Variants in SNX29 observed in about 807,000 individuals in gnomAD.
The protein encoded by SNX29 is sorting nexin 29.
SNX29 carries 78 observed loss-of-function variants against 102.1 expected under a neutral mutation model. That is an observed-to-expected ratio of 0.76 (90% CI 0.64 to 0.92). SNX29 has a LOEUF of 0.92. Ranked by LOEUF, SNX29 falls within the 40% of genes least tolerant of loss-of-function variation. The pLI is 0.00. For synonymous variants in SNX29, 580 were observed against 414.5 expected (o/e 1.40, Z -4.85); for missense variants, 1,280 against 1,061.7 (o/e 1.21, Z -2.86).
chr16:11,993,448 T>C lies in SNX29; in HGVS notation c.8-5849T>C, dbSNP rs144557228. 3.3e-4 allele frequency among the ~76,000 whole-genome samples: 51 copies of C among 152,284 alleles called. 1 individual carries two copies. The East Asian group carries it at 8.3e-3, about 25-fold the overall frequency. On this transcript the variant is annotated intron_variant, in intron 1 of 20. Coordinates refer to ENST00000566228, the MANE Select transcript of SNX29 (RefSeq NM_032167.5). ...GAAGGTAGCTAGTTGAAAGGACTTCTGGGAGCCAGAGGTCTTGATACCTTG... is the reference window on the plus strand; with the variant it reads ...GAAGGTAGCTAGTTGAAAGGACTTCCGGGAGCCAGAGGTCTTGATACCTTG...
At chr16:12,511,685 G>A (rs192606383) in intron 19 of SNX29, among the ~76,000 whole-genome samples, 10 of 152,260 alleles carry the variant, frequency 6.6e-5, no homozygotes, top group African/African-American at 9.6e-5. Context: ...ATGATACCGC[G>A]TGAATGCTGT....
intron 1 of SNX29, among the ~76,000 whole-genome samples, chr16:11,990,165 C>T (rs1183796453): frequency 6.6e-6 from 1 of 152,194 alleles, no homozygotes; most frequent in Non-Finnish European, 1.5e-5. Flanking sequence ...TGGTGGCGGG[C>T]CTGGCCCCAG....
At chr16:12,482,508 G>A (rs753241809) in intron 19 of SNX29, among the ~76,000 whole-genome samples, 41 of 152,012 alleles carry the variant, frequency 2.7e-4, no homozygotes, top group Non-Finnish European at 2.9e-4. Flanking sequence ...CACCATGTTC[G>A]CCAGGCTGGT....
At chr16:12,265,876 A>T (rs1362491322) in intron 14 of SNX29, among the ~76,000 whole-genome samples, 1 of 152,072 alleles carries the variant, frequency 6.6e-6, no homozygotes, top group Non-Finnish European at 1.5e-5. Flanking sequence ...GGTGACAGTG[A>T]GACACCCTGT....
chr16:12,135,746 T>A (rs1597013196), intron 13 of SNX29: 9 of 598,292 alleles, frequency 1.5e-5, no homozygotes, highest in South Asian at 1.5e-4. Flanking sequence ...GAGCCATTTG[T>A]GGTGGTTTTT....
chr16:11,988,174 A>G (rs980674403), intron 1 of SNX29, among the ~76,000 whole-genome samples: 12 of 152,014 alleles, frequency 7.9e-5, no homozygotes, highest in African/African-American at 2.4e-4. Context: ...GGTGCCTGTA[A>G]TCCCAGCTAC....
chr16:12,068,549 T>A (rs79322447), intron 9 of SNX29, among the ~76,000 whole-genome samples: 14,289 of 151,026 alleles, frequency 0.095, 934 homozygotes, highest in South Asian at 0.28. Flanking sequence ...ATAGGGCTTT[T>A]AAAAAAAAAT....
At chr16:12,181,852 G>T (rs372889712) in intron 13 of SNX29, among the ~76,000 whole-genome samples, 7 of 151,304 alleles carry the variant, frequency 4.6e-5, no homozygotes, top group African/African-American at 1.7e-4. Context: ...GTCACCTAGC[G>T]TTGTTGTAAA....
chr16:12,032,037 C>T (rs2151135983), intron 4 of SNX29, among the ~76,000 whole-genome samples: 1 of 152,262 alleles, frequency 6.6e-6, no homozygotes, highest in African/African-American at 2.4e-5. Flanking sequence ...CTGTCCCTGG[C>T]AGCCAGCATT....
chr16:12,186,570 T>G (rs993926725), intron 13 of SNX29, among the ~76,000 whole-genome samples: 4 of 152,222 alleles, frequency 2.6e-5, no homozygotes, highest in Admixed American at 2.0e-4. Flanking sequence ...ATATTCATAT[T>G]TCACCAATGG....
intron 13 of SNX29, among the ~76,000 whole-genome samples, chr16:12,143,551 C>G (rs896208168): frequency 6.6e-6 from 1 of 152,144 alleles, no homozygotes; most frequent in African/African-American, 2.4e-5. Flanking sequence ...CTCAGGCTCC[C>G]TATCTAGAAA....
chr16:12,533,686 C>G (rs988918477), intron 20 of SNX29, among the ~76,000 whole-genome samples: 5 of 152,186 alleles, frequency 3.3e-5, no homozygotes, highest in African/African-American at 9.7e-5. Flanking sequence ...AAATTTACCT[C>G]TGTCGACTGG....
intron 20 of SNX29, among the ~76,000 whole-genome samples, chr16:12,563,051 C>T (rs573617344): frequency 2.6e-5 from 4 of 152,220 alleles, no homozygotes; most frequent in African/African-American, 4.8e-5. Context: ...AAGGTCACCT[C>T]GAAATGTAGG....
intron 15 of SNX29, among the ~76,000 whole-genome samples, chr16:12,323,109 A>C (rs1428749324): frequency 6.7e-6 from 1 of 148,790 alleles, no homozygotes. Flanking sequence ...ACCGGGGACC[A>C]CTGTCAGGAT....
intron 14 of SNX29, among the ~76,000 whole-genome samples, chr16:12,266,285 G>A (rs546935136): frequency 1.3e-5 from 2 of 152,160 alleles, no homozygotes; most frequent in South Asian, 2.1e-4. Flanking sequence ...GCCGCCACAC[G>A]TATGGGGGTT....
At chr16:12,563,865 C>A (rs537306368) in intron 20 of SNX29, among the ~76,000 whole-genome samples, 1 of 152,226 alleles carries the variant, frequency 6.6e-6, no homozygotes, top group Non-Finnish European at 1.5e-5. Flanking sequence ...AGCCATCTCT[C>A]CCCATCTCTA....
At chr16:12,362,803 G>C (rs1038442348) in intron 16 of SNX29, among the ~76,000 whole-genome samples, 3 of 152,086 alleles carry the variant, frequency 2.0e-5, no homozygotes, top group Non-Finnish European at 4.4e-5. Flanking sequence ...TTAATGTCAT[G>C]TTACATTGAT....
chr16:12,344,869 T>C (rs1238538822), intron 15 of SNX29, among the ~76,000 whole-genome samples: 2 of 152,220 alleles, frequency 1.3e-5, no homozygotes, highest in African/African-American at 2.4e-5. Context: ...CTGTAACCAC[T>C]GTGCTTTTGA....
intron 18 of SNX29, among the ~76,000 whole-genome samples, chr16:12,470,368 C>A (rs1057506266): frequency 2.0e-5 from 3 of 152,184 alleles, no homozygotes; most frequent in Non-Finnish European, 4.4e-5. Context: ...GCGGGTTTCT[C>A]TGTGGGGTCT....
Sources: gnomAD v4.1 joint callset for allele counts (sites outside exome capture counted in the v4.1 genomes callset) on GRCh38, gnomAD v4.1.1 for gene constraint, MANE v1.5 for transcripts, NCBI Gene and HGNC (gene_info 2026-07-23, HGNC 2026-07-21) for gene names.